KDM2B: variants seen among roughly 807,000 people sequenced by gnomAD.
KDM2B encodes lysine-specific demethylase 2B.
Under a neutral mutation model 150.0 loss-of-function variants are expected in KDM2B, and 26 were observed. The observed-to-expected ratio is 0.17, with a 90% CI of 0.13 to 0.24. The LOEUF is 0.24. Ranked by LOEUF, KDM2B falls within the 10% of genes least tolerant of loss-of-function variation. The pLI, the probability that KDM2B is intolerant of heterozygous loss-of-function variation, is 1.00. For missense variants in KDM2B, 1,265 were observed against 1,816.9 expected (o/e 0.70, Z 5.52); for synonymous variants, 734 against 729.5 (o/e 1.01, Z -0.10).
At chr12:121,515,991 GT>G (rs1886151508) in intron 9 of KDM2B, among the ~76,000 whole-genome samples, 1 of 152,144 alleles carries the variant, frequency 6.6e-6, no homozygotes, top group Non-Finnish European at 1.5e-5. Context: ...GCCCTCTGGA[GT>G]TTAAAAAAGA....
intron 1 of KDM2B, chr12:121,580,323 C>A (rs1446622313): frequency 6.2e-6 from 7 of 1,123,162 alleles, no homozygotes; most frequent in East Asian, 8.9e-5. Context: ...TCGGAGCCCG[C>A]GGCCGGGCTA....
At chr12:121,477,535 C>T (rs1453317008) in intron 12 of KDM2B, among the ~76,000 whole-genome samples, 8 of 151,584 alleles carry the variant, frequency 5.3e-5, no homozygotes, top group Admixed American at 2.6e-4. Context: ...AGGTGCATGC[C>T]ACCATGCCCA....
intron 4 of KDM2B, among the ~76,000 whole-genome samples, chr12:121,556,051 C>T (rs1889866335): frequency 2.0e-5 from 3 of 151,928 alleles, no homozygotes; most frequent in Admixed American, 2.0e-4. Flanking sequence ...CTCAGCCTCC[C>T]GAGTAGCTGG....
chr12:121,444,016 T>TG lies in KDM2B; in HGVS notation c.2446_2447insC (p.Lys816ThrfsTer48), dbSNP rs1555289355. The TG allele has an allele frequency of 6.2e-7, 1 of 1,609,050 alleles. No individual in the cohort carries two copies. The highest frequency in any genetic ancestry group is 8.5e-7 in the Non-Finnish European group (1 of 1,176,876). ...CCAGCCCCTCCTGGTCCGTACCCGC[T>TG]TGCGTCCACTCAGCTCCTGGGGCTT... On this transcript the variant is annotated frameshift_variant, in exon 16 of 23. Coordinates refer to ENST00000377071, the MANE Select transcript of KDM2B (RefSeq NM_032590.5). LOFTEE classifies it high-confidence loss of function.
At position 121,497,805 on chromosome 12, in the gene KDM2B, G is replaced by T. The variant is rs550029740; in HGVS notation, c.1648-3140C>A. On this transcript the variant is annotated intron_variant, in intron 11 of 22. Coordinates refer to ENST00000377071, the MANE Select transcript of KDM2B (RefSeq NM_032590.5). ...CTAGAACAGAAAAAAAAGTAAAAAT[G>T]GTTTAACTCTGGCCAGTTGCGGTGG... is the stretch of plus-strand genomic sequence containing the variant. Among the ~76,000 whole-genome samples, 17 of 151,826 alleles carry T rather than the reference G, an allele frequency of 1.1e-4. No homozygotes were observed. In the South Asian group the frequency reaches 3.3e-3, roughly 30 times the overall value.
chr12:121,467,139 C>T lies in KDM2B; in HGVS notation c.1735-13795G>A. The T allele has an allele frequency of 8.9e-7, 1 of 1,124,580 alleles. No homozygotes were observed. The highest frequency in any genetic ancestry group is 1.1e-6 in the Non-Finnish European group (1 of 900,340). 69.7% of individuals were successfully genotyped at this position (1,124,580 alleles called of 1,614,324 possible). A position where few individuals can be genotyped will look rare whatever the true frequency, so the allele number is the denominator to read the frequency against. On this transcript the variant is annotated intron_variant, in intron 12 of 22. Coordinates refer to ENST00000377071, the MANE Select transcript of KDM2B (RefSeq NM_032590.5). This position sits in a 1 kb window ranked among gnomAD's most constrained non-coding sequence, Gnocchi z 5.1. ...TCGTGCGGCGGGTCCCTCCCTCAGC[C>T]CCACCCCGGGCCGCCGACCTGGTCC...
chr12:121,536,660 G>GT (rs71079076), intron 6 of KDM2B, among the ~76,000 whole-genome samples: 4,933 of 141,414 alleles, frequency 0.035, 152 homozygotes, highest in African/African-American at 0.088. Flanking sequence ...CTTCGTCTTG[G>GT]TTTTTTTTTT....
rs1555288873 is a variant in KDM2B, at chr12:121,442,731, T to C, written c.2710A>G (p.Thr904Ala). 4 of 1,564,620 alleles carry C rather than the reference T, an allele frequency of 2.6e-6. No homozygotes were observed. The highest frequency in any genetic ancestry group is 2.0e-5 in the Admixed American group (1 of 50,416). Reference protein sequence around the residue: ...EDELPEAPPKTRESDHSRSSS... With the variant: ...EDELPEAPPKARESDHSRSSS... The stretch of plus-strand genomic sequence containing the variant: ...GAGCGGGAGTGGTCGCTCTCCCTGG[T>C]CTTGGGGGGCGCCTCGGGCAGTTCG... The change falls in exon 19 of 23, where the codon ACC (threonine) becomes GCC (alanine). Residue 904 changes from threonine to alanine, a missense_variant. Physicochemically the swap from Thr to Ala is moderately conservative, Grantham distance 58 (BLOSUM62 0). Coordinates refer to ENST00000377071, the MANE Select transcript of KDM2B (RefSeq NM_032590.5). The surrounding 1 kb of genome is among the most constrained non-coding windows in gnomAD (Gnocchi z 7.7).
intron 10 of KDM2B, among the ~76,000 whole-genome samples, chr12:121,511,255 C>T (rs145015238): frequency 6.0e-5 from 9 of 150,454 alleles, no homozygotes; most frequent in African/African-American, 1.7e-4. Context: ...GGGATCCACC[C>T]GCCTCGGCCT....
intron 4 of KDM2B, among the ~76,000 whole-genome samples, chr12:121,573,383 A>T (rs1189320547): frequency 6.6e-6 from 1 of 151,172 alleles, no homozygotes; most frequent in Admixed American, 6.6e-5. Context: ...CCTGGACTGA[A>T]GTGATCCTCT....
chr12:121,575,722 G>T lies in KDM2B; in HGVS notation c.350+59C>A. ...AGAGGGTGGAAGAAATCCATCCCAA[G>T]CTATAAAGTATGTTAGGGAGGAAGA... On this transcript the variant is annotated intron_variant, in intron 3 of 22. Transcript: ENST00000377071. The surrounding 1 kb of genome is among the most constrained non-coding windows in gnomAD (Gnocchi z 4.4). 1.7e-6 allele frequency: 2 copies of T among 1,202,002 alleles called. No individual in the cohort carries two copies. The highest frequency in any genetic ancestry group is 1.2e-5 in the South Asian group (1 of 82,714). 74.5% of individuals were successfully genotyped at this position (1,202,002 alleles called of 1,614,324 possible).
At chr12:121,504,839 G>A (rs1281833657) in intron 11 of KDM2B, among the ~76,000 whole-genome samples, 4 of 151,972 alleles carry the variant, frequency 2.6e-5, no homozygotes, top group African/African-American at 9.7e-5. Flanking sequence ...ATTAGCCACC[G>A]AGCGCGGTGG....
intron 14 of KDM2B, 114 bp from the exon 15 acceptor site, chr12:121,444,650 C>T (rs1429217201): frequency 2.4e-6 from 2 of 824,918 alleles, no homozygotes; most frequent in Admixed American, 2.0e-5. Flanking sequence ...CCCAACGTCA[C>T]ATCTATCCCG....
At position 121,575,331 on chromosome 12, in the gene KDM2B, G is replaced by A. The variant is rs1891430206; in HGVS notation, c.350+450C>T. On this transcript the variant is annotated intron_variant, in intron 3 of 22. Coordinates refer to ENST00000377071, the MANE Select transcript of KDM2B (RefSeq NM_032590.5). The surrounding 1 kb of genome is among the most constrained non-coding windows in gnomAD (Gnocchi z 4.4). Reference sequence around the variant, plus strand: ...AGACATAGTGGAGGGGCAAGCTGCAGGGCAGGCAAAGAAAGGGGAGACATT... The same window carrying A: ...AGACATAGTGGAGGGGCAAGCTGCAAGGCAGGCAAAGAAAGGGGAGACATT... Among the ~76,000 whole-genome samples the A allele has an allele frequency of 6.6e-6, 1 of 152,220 alleles. No homozygotes were observed. Among genetic ancestry groups the A allele is most frequent in the Non-Finnish European group, 1.5e-5 (1 of 68,050 alleles).
chr12:121,437,504 A>T (rs1874204756), intron 22 of KDM2B, among the ~76,000 whole-genome samples: 1 of 130,774 alleles, frequency 7.6e-6, no homozygotes, highest in Non-Finnish European at 1.7e-5. Context: ...TAATGTCCAC[A>T]TGGGAAAAAA....
intron 12 of KDM2B, among the ~76,000 whole-genome samples, chr12:121,478,748 C>T (rs1881687978): frequency 1.3e-5 from 2 of 151,826 alleles, no homozygotes; most frequent in African/African-American, 4.8e-5. Context: ...AAGGCAGTGG[C>T]ACGATCTCGG....
chr12:121,425,247 GC>G (rs1257550057), downstream of KDM2B, among the ~76,000 whole-genome samples: 1 of 150,022 alleles, frequency 6.7e-6, no homozygotes, highest in Non-Finnish European at 1.5e-5. Flanking sequence ...GGCGGAGGTT[GC>G]AGTGAGCCAA....
At chr12:121,464,060 TATAAA>T (rs1555294270) in intron 12 of KDM2B, among the ~76,000 whole-genome samples, 3,554 of 152,202 alleles carry the variant, frequency 0.023, 137 homozygotes, top group African/African-American at 0.082. Flanking sequence ...CCCATCTCTA[TATAAA>T]TAAAAAATAA....
intron 12 of KDM2B, among the ~76,000 whole-genome samples, chr12:121,492,851 AAAAAG>A (rs1335979751): frequency 1.3e-5 from 2 of 151,582 alleles, no homozygotes; most frequent in East Asian, 2.0e-4. Flanking sequence ...AAAAAAAAAG[AAAAAG>A]AAAAGTGTTT....
Sources: allele counts gnomAD v4.1 joint callset (sites outside exome capture counted in the v4.1 genomes callset), GRCh38; gene constraint gnomAD v4.1.1; non-coding constraint Gnocchi (gnomAD v3.1); transcripts MANE v1.5; gene names NCBI Gene and HGNC (gene_info 2026-07-23, HGNC 2026-07-21).